Variants in PKHD1 observed in about 807,000 individuals in gnomAD.
The protein encoded by PKHD1 is PKHD1 ciliary IPT domain containing fibrocystin/polyductin, also known as fibrocystin.
Under a neutral mutation model 412.0 loss-of-function variants are expected in PKHD1, and 291 were observed. That is an observed-to-expected ratio of 0.71 (90% CI 0.64 to 0.78). The LOEUF is 0.78. PKHD1 is among the 30% of genes least tolerant of loss of function. PKHD1 has a pLI of 0.00. For synonymous variants in PKHD1, 1,777 were observed against 1,821.5 expected, an observed-to-expected ratio of 0.98 and a Z score of 0.62; for missense variants, 4,825 against 4,950.7, an observed-to-expected ratio of 0.97 and a Z score of 0.76.
At position 51,856,070 on chromosome 6, in the gene PKHD1, T is replaced by A; in HGVS notation, c.7734A>T (p.Leu2578Phe). The change falls in exon 49 of 67, where the codon TTA becomes TTT. Residue 2578 changes from leucine (L) to phenylalanine (F), a missense_variant and splice_region_variant. Leu to Phe is a conservative substitution (Grantham distance 22, BLOSUM62 0). Coordinates refer to ENST00000371117, the MANE Select transcript of PKHD1 (RefSeq NM_138694.4). ...GVLFHRMSIG[L>F]ANTPEVSYDL... ...CATAAGAAACTTCAGGAGTATTCGC[T>A]CTAAGGTGATTTTAAAAGGAAAAAA... 6.3e-7 allele frequency: 1 copy of A among 1,590,738 alleles called. No individual in the cohort carries two copies. Among genetic ancestry groups the A allele is most frequent in the South Asian group, 1.1e-5 (1 of 90,256 alleles).
intron 51 of PKHD1, among the ~76,000 whole-genome samples, chr6:51,834,906 T>G (rs1433258119): frequency 6.6e-6 from 1 of 152,110 alleles, no homozygotes; most frequent in Admixed American, 6.6e-5. Flanking sequence ...CTGGGCTGAG[T>G]TGAGACATCT....
intron 35 of PKHD1, among the ~76,000 whole-genome samples, chr6:52,000,363 C>T (rs1301744297): frequency 6.6e-6 from 1 of 152,028 alleles, no homozygotes. Context: ...AGCAAGCAGG[C>T]CTCTCTGCAG....
At chr6:51,770,512 A>G (rs936381806) in intron 55 of PKHD1, among the ~76,000 whole-genome samples, 10 of 151,882 alleles carry the variant, frequency 6.6e-5, no homozygotes, top group East Asian at 1.9e-4. Context: ...CAATTTTTCT[A>G]TATAGCATTA....
chr6:51,944,879 G>C (rs145294542), intron 36 of PKHD1, among the ~76,000 whole-genome samples: 1 of 152,180 alleles, frequency 6.6e-6, no homozygotes, highest in East Asian at 1.9e-4. Flanking sequence ...TAGACCATCT[G>C]CATCCAACAT....
intron 60 of PKHD1, among the ~76,000 whole-genome samples, chr6:51,705,365 A>G (rs931295415): frequency 2.0e-5 from 3 of 152,156 alleles, no homozygotes; most frequent in East Asian, 1.9e-4. Flanking sequence ...TGATGAGGGG[A>G]AAAGCCCATG....
intron 60 of PKHD1, among the ~76,000 whole-genome samples, chr6:51,730,254 T>C (rs1451323830): frequency 6.6e-6 from 1 of 152,186 alleles, no homozygotes; most frequent in Admixed American, 6.5e-5. Flanking sequence ...TCTACCCACG[T>C]ATTTTCTAGA....
At chr6:51,935,537 A>T (rs544133471) in intron 36 of PKHD1, among the ~76,000 whole-genome samples, 1 of 152,210 alleles carries the variant, frequency 6.6e-6, no homozygotes, top group South Asian at 2.1e-4. Flanking sequence ...TCAGAATTGT[A>T]TCTTTATATC....
chr6:51,665,119 A>G (rs538144267), intron 60 of PKHD1, among the ~76,000 whole-genome samples: 1 of 152,274 alleles, frequency 6.6e-6, no homozygotes, highest in South Asian at 2.1e-4. Flanking sequence ...TTTCTCCAGA[A>G]TATACTCTTT....
chr6:51,690,341 AAG>A (rs1778009318), intron 60 of PKHD1, among the ~76,000 whole-genome samples: 1 of 151,990 alleles, frequency 6.6e-6, no homozygotes, highest in African/African-American at 2.4e-5. Flanking sequence ...GGAACCAAAA[AAG>A]AGATCGAATA....
At chr6:51,777,945 T>C (rs1791336170) in intron 53 of PKHD1, among the ~76,000 whole-genome samples, 1 of 152,248 alleles carries the variant, frequency 6.6e-6, no homozygotes, top group Admixed American at 6.6e-5. Flanking sequence ...TTTGGCTTCC[T>C]TTTTGTAACT....
At chr6:51,644,799 C>T (rs1007145256) in intron 63 of PKHD1, among the ~76,000 whole-genome samples, 1 of 152,170 alleles carries the variant, frequency 6.6e-6, no homozygotes, top group African/African-American at 2.4e-5. Flanking sequence ...CCTGCCTCAG[C>T]CTCCTGAGTA....
intron 36 of PKHD1, among the ~76,000 whole-genome samples, chr6:51,955,462 T>C (rs1361687252): frequency 1.3e-5 from 2 of 151,956 alleles, no homozygotes; most frequent in Non-Finnish European, 2.9e-5. Context: ...AAGTAATATG[T>C]GTAAGAAAAA....
chr6:51,908,322 C>T (rs887883538), intron 40 of PKHD1, among the ~76,000 whole-genome samples: 1 of 152,130 alleles, frequency 6.6e-6, no homozygotes, highest in Non-Finnish European at 1.5e-5. Flanking sequence ...TCTGCAATTA[C>T]CTGTTAGAAT....
At chr6:52,083,551 A>T (rs757642998) in intron 2 of PKHD1, among the ~76,000 whole-genome samples, 14 of 152,176 alleles carry the variant, frequency 9.2e-5, no homozygotes, top group Admixed American at 6.5e-4. Context: ...TGCACTCATC[A>T]GGACAATTCT....
chr6:51,794,715 C>T (rs1461788129), intron 52 of PKHD1, among the ~76,000 whole-genome samples: 1 of 151,994 alleles, frequency 6.6e-6, no homozygotes, highest in African/African-American at 2.4e-5. Flanking sequence ...AAGGAAGGGG[C>T]CTAGTTTCAG....
In PKHD1 at chr6:51,659,526, T is replaced by G; in HGVS notation, c.10600A>C (p.Asn3534His). 6.2e-7 allele frequency: 1 copy of G among 1,613,676 alleles called. No individual in the cohort carries two copies. The highest frequency in any genetic ancestry group is 8.5e-7 in the Non-Finnish European group (1 of 1,179,798). Reference sequence around the variant, plus strand: ...AGGTTATCCATGATGTTGAAATAGTTGGCACCAATAGATTCATTCAGCAAT... The same window carrying G: ...AGGTTATCCATGATGTTGAAATAGTGGGCACCAATAGATTCATTCAGCAAT... ...SLLLNESIGANYFNIMDNLLY... is the reference protein window; with the variant it reads ...SLLLNESIGAHYFNIMDNLLY... The change falls in exon 61 of 67, where the codon AAC (asparagine) becomes CAC (histidine). Residue 3534 changes from asparagine to histidine, a missense_variant. Physicochemically the swap from Asn to His is moderately conservative, Grantham distance 68 (BLOSUM62 1). Coordinates refer to ENST00000371117, the MANE Select transcript of PKHD1 (RefSeq NM_138694.4).
chr6:51,757,367 C>T (rs192401167), intron 55 of PKHD1, among the ~76,000 whole-genome samples: 159 of 152,194 alleles, frequency 1.0e-3, no homozygotes, highest in Middle Eastern at 3.4e-3. Context: ...AACTGTTTAA[C>T]ATTGAGTGAA....
intron 52 of PKHD1, among the ~76,000 whole-genome samples, chr6:51,809,781 G>A (rs1764406999): frequency 6.6e-6 from 1 of 151,064 alleles, no homozygotes; most frequent in African/African-American, 2.4e-5. Context: ...TTTCTAATTA[G>A]TGATTGCTAT....
intron 37 of PKHD1, among the ~76,000 whole-genome samples, chr6:51,929,422 T>C (rs548012336): frequency 6.6e-6 from 1 of 152,272 alleles, no homozygotes; most frequent in African/African-American, 2.4e-5. Flanking sequence ...ATAAAAGCAA[T>C]AAATCAATTA....
Sources: gnomAD v4.1 joint callset for allele counts (sites outside exome capture counted in the v4.1 genomes callset) on GRCh38, gnomAD v4.1.1 for gene constraint, MANE v1.5 for transcripts, NCBI Gene and HGNC (gene_info 2026-07-23, HGNC 2026-07-21) for gene names.